SLF2: variants seen among roughly 807,000 people sequenced by gnomAD.
The protein encoded by SLF2 is SMC5-SMC6 complex localization factor protein 2.
SLF2 carries 68 observed loss-of-function variants against 124.3 expected under a neutral mutation model. That is an observed-to-expected ratio of 0.55 (90% CI 0.45 to 0.67). The LOEUF (loss-of-function observed/expected upper bound fraction) is 0.67. Among genes scored for constraint, SLF2 ranks in the 30% least tolerant of loss-of-function variants. The pLI is 0.00. For synonymous variants in SLF2, 480 were observed against 478.8 expected, an observed-to-expected ratio of 1.00 and a Z score of -0.03; for missense variants, 1,246 against 1,373.7, an observed-to-expected ratio of 0.91 and a Z score of 1.47.
At chr10:100,953,167 C>T (rs1474515434) in intron 17 of SLF2, among the ~76,000 whole-genome samples, 1 of 151,108 alleles carries the variant, frequency 6.6e-6, no homozygotes, top group Non-Finnish European at 1.5e-5. Flanking sequence ...AGGCGCCTGC[C>T]ACCACATCCA....
intron 17 of SLF2, among the ~76,000 whole-genome samples, chr10:100,951,535 T>G (rs1850213834): frequency 6.6e-6 from 1 of 152,198 alleles, no homozygotes; most frequent in Non-Finnish European, 1.5e-5. Context: ...ACAAAGGGCC[T>G]GCATCCCGTA....
chr10:100,936,838 T>C lies in SLF2; in HGVS notation c.2437-564T>C, dbSNP rs1455981148. Among the ~76,000 whole-genome samples the C allele has an allele frequency of 4.0e-5, 6 of 150,190 alleles. No homozygotes were observed. In the East Asian group the frequency reaches 1.2e-3, roughly 29 times the overall value. ...CATTTTTTGATAGTTTCAAATGTTA[T>C]ATTTGTCTAATTATAAATGAAAGTT... On this transcript the variant is annotated intron_variant, in intron 9 of 19. Transcript: ENST00000238961.
rs968761160 is a variant in SLF2, at chr10:100,938,604, G to C, written c.2522G>C (p.Ser841Thr). ...TTCTTCTGTTAATTAGATACCTTCA[G>C]TGACTCACCAGTTTGGCCATGGATC... ...MEITIRNDTFSDSPVWPWIPS... is the reference protein window; with the variant it reads ...MEITIRNDTFTDSPVWPWIPS... Residue 841 changes from serine (S) to threonine (T), a missense_variant, in exon 11 of 20, where the codon AGT becomes ACT. Around this residue, in one of 3 missense-constraint regions of SLF2, gnomAD observed 535 missense variants for 632.8 expected, o/e 0.85. Coordinates refer to ENST00000238961, the MANE Select transcript of SLF2 (RefSeq NM_018121.4). The C allele has an allele frequency of 6.2e-7, 1 of 1,609,170 alleles. No homozygotes were observed. Among genetic ancestry groups the C allele is most frequent in the South Asian group, 1.1e-5 (1 of 89,984 alleles).
intron 11 of SLF2, among the ~76,000 whole-genome samples, chr10:100,941,140 A>G (rs945752390): frequency 5.3e-5 from 8 of 151,986 alleles, no homozygotes; most frequent in African/African-American, 1.2e-4. Context: ...GCACCTGGCC[A>G]TCACTTTTCT....
rs772114021 is a variant in SLF2, at chr10:100,924,529, G to A, written c.1528G>A (p.Glu510Lys). The change falls in exon 5 of 20, where the codon GAA becomes AAA. Residue 510 changes from glutamate (E) to lysine (K), a missense_variant. Around this residue, in one of 3 missense-constraint regions of SLF2, gnomAD observed 698 missense variants for 708.9 expected, o/e 0.98. Transcript: ENST00000238961. ...KKDKERSSSK[E>K]CSGHSTESTK... ...AGATAAAGAGCGTTCCTCATCTAAAGAATGTTCTGGGCATTCTACAGAATC... is the reference window on the plus strand; with the variant it reads ...AGATAAAGAGCGTTCCTCATCTAAAAAATGTTCTGGGCATTCTACAGAATC... 6.2e-7 allele frequency: 1 copy of A among 1,614,090 alleles called. No individual in the cohort carries two copies. The highest frequency in any genetic ancestry group is 2.2e-5 in the East Asian group (1 of 44,882).
intron 6 of SLF2, among the ~76,000 whole-genome samples, chr10:100,928,068 C>CAAGAGAGAGACAGAGAGAGAGA (rs1491324670): frequency 3.4e-4 from 20 of 59,578 alleles, no homozygotes; most frequent in African/African-American, 1.1e-3. Flanking sequence ...CACACACACA[C>CAAGAGAGAGACAGAGAGAGAGA]GAGAGAGAGA....
At position 100,957,330 on chromosome 10, in the gene SLF2, ATTTTTTTTTTTTTTTTT is replaced by A. The variant is rs71013477; in HGVS notation, c.3417+814_3417+830del. ...AATATGTTAAAGGAAGGAGTCTTCA[ATTTTTTTTTTTTTTTTT>A]TTTTTTTTTTTTTTTTTTTTGAGAT... On this transcript the variant is annotated intron_variant, in intron 18 of 19. Transcript: ENST00000238961. 5.7e-4 allele frequency among the ~76,000 whole-genome samples: 52 copies of A among 91,858 alleles called. 5 individuals carry two copies. The highest frequency in any genetic ancestry group is 1.3e-3 in the East Asian group (2 of 1,528). The allele number at this position is 91,858 out of a possible 152,430, so 60.3% of individuals were successfully genotyped here.
At chr10:100,934,484 C>G (rs968220067) in intron 9 of SLF2, among the ~76,000 whole-genome samples, 7 of 152,166 alleles carry the variant, frequency 4.6e-5, no homozygotes, top group African/African-American at 1.7e-4. Flanking sequence ...AGCTTAACAG[C>G]ACAAACATCA....
chr10:100,956,372 G>C (rs140616237), intron 17 of SLF2, 79 bp from the exon 18 acceptor site: 14,280 of 987,854 alleles, frequency 0.014, 137 homozygotes, highest in Non-Finnish European at 0.017. Context: ...AAATGATTTA[G>C]TTGTTCTAGC....
chr10:100,964,353 A>G lies in SLF2; in HGVS notation c.*2441A>G, dbSNP rs546226606. On this transcript the variant is annotated 3_prime_UTR_variant, in exon 20 of 20. Transcript: ENST00000238961. ...TTATTACCCTTCTTGCAAGCTGCAC[A>G]TTAAGGTACTTGTAAGTGTTTATGC... 26 of 152,772 alleles carry G rather than the reference A, an allele frequency of 1.7e-4. No homozygotes were observed. Among genetic ancestry groups the G allele is most frequent in the African/African-American group, 6.0e-4 (25 of 41,582 alleles). 9.5% of individuals were successfully genotyped at this position (152,772 alleles called of 1,614,324 possible).
intron 15 of SLF2, among the ~76,000 whole-genome samples, chr10:100,949,664 C>T (rs900247774): frequency 6.6e-6 from 1 of 151,730 alleles, no homozygotes; most frequent in Non-Finnish European, 1.5e-5. Flanking sequence ...GGCACAATCT[C>T]GGCTCACTGC....
intron 17 of SLF2, among the ~76,000 whole-genome samples, chr10:100,952,952 T>C (rs1010403571): frequency 1.3e-5 from 2 of 152,190 alleles, no homozygotes; most frequent in East Asian, 3.9e-4. Flanking sequence ...AAACAAAAAG[T>C]GTTTGCTCTT....
chr10:100,958,073 CAAAAT>C (rs1232800448), intron 18 of SLF2, among the ~76,000 whole-genome samples: 3 of 151,940 alleles, frequency 2.0e-5, no homozygotes, highest in Admixed American at 1.3e-4. Context: ...ATAAATAAAA[CAAAAT>C]AAAATAAACA....
intron 11 of SLF2, chr10:100,943,799 T>C: frequency 2.6e-6 from 1 of 391,376 alleles, no homozygotes; most frequent in Non-Finnish European, 4.6e-6. Flanking sequence ...TGACTTGGAT[T>C]TGGCATAAAG....
intron 1 of SLF2, among the ~76,000 whole-genome samples, chr10:100,914,620 A>G (rs1248285254): frequency 4.6e-5 from 7 of 152,200 alleles, no homozygotes; most frequent in Admixed American, 4.6e-4. Context: ...ACAAGGTATC[A>G]TCCTTCTTCC....
Position 100,940,820 on chromosome 10 carries a change from C to CTCCTTCCTTCCTTCCTTCCT in SLF2, c.2654+2096_2654+2115dup, listed in dbSNP as rs537223341. Among the ~76,000 whole-genome samples, 367 of 101,168 alleles carry CTCCTTCCTTCCTTCCTTCCT rather than the reference C, an allele frequency of 3.6e-3. 8 individuals carry two copies. The highest frequency in any genetic ancestry group is 6.0e-3 in the African/African-American group (177 of 29,394). 66.4% of individuals were successfully genotyped at this position (101,168 alleles called of 152,430 possible). Reference sequence around the variant, plus strand: ...GCCCCTCCCCCTGCCCCTGCCCCTTCTCCTTCCTTCCTTCCTTCCTTCCTT... The same window carrying CTCCTTCCTTCCTTCCTTCCT: ...GCCCCTCCCCCTGCCCCTGCCCCTTCTCCTTCCTTCCTTCCTTCCTTCCTTCCTTCCTTCCTTCCTTCCTT... On this transcript the variant is annotated intron_variant, in intron 11 of 19. Coordinates refer to ENST00000238961, the MANE Select transcript of SLF2 (RefSeq NM_018121.4).
chr10:100,920,965 T>C (rs539422520), intron 4 of SLF2, among the ~76,000 whole-genome samples: 1 of 152,126 alleles, frequency 6.6e-6, no homozygotes, highest in South Asian at 2.1e-4. Context: ...AATAAATAAA[T>C]AAAAATAAAA....
At chr10:100,934,897 C>T (rs919207755) in intron 9 of SLF2, among the ~76,000 whole-genome samples, 1 of 151,622 alleles carries the variant, frequency 6.6e-6, no homozygotes, top group Non-Finnish European at 1.5e-5. Context: ...GCTGGGATTA[C>T]AGGTGTGAGC....
At chr10:100,913,394 G>T in intron 1 of SLF2, 144 bp downstream of exon 1, 4 of 1,363,224 alleles carry the variant, frequency 2.9e-6, no homozygotes, top group Non-Finnish European at 3.8e-6. Flanking sequence ...TCCCCGCCCC[G>T]CCTCCGCGCA....
Sources: gnomAD v4.1 joint callset for allele counts (sites outside exome capture counted in the v4.1 genomes callset) on GRCh38, gnomAD v4.1.1 for gene constraint, gnomAD v4.1.1 regional missense constraint, MANE v1.5 for transcripts, NCBI Gene and HGNC (gene_info 2026-07-23, HGNC 2026-07-21) for gene names.